The following COX16 variants were observed in gnomAD, a reference collection of about 807,000 sequenced individuals.
COX16 encodes cytochrome c oxidase assembly protein COX16 homolog, mitochondrial.
A neutral mutation model predicts 15.4 loss-of-function variants in COX16; 12 were observed. That is an observed-to-expected ratio of 0.78 (90% CI 0.50 to 1.26). COX16 has a LOEUF of 1.26. Among genes scored for constraint, COX16 ranks in the 50% most tolerant of loss-of-function variants. The probability of loss-of-function intolerance (pLI) is 0.00; values close to 1 mark genes in which losing one functional copy is unlikely to be tolerated. For synonymous variants in COX16, 46 were observed against 41.1 expected (o/e 1.12, Z -0.46); for missense variants, 124 against 127.6 (o/e 0.97, Z 0.14).
At chr14:70,354,841 C>CGTGTGTGTGCGTGTGT (rs1555345909) in intron 1 of COX16, among the ~76,000 whole-genome samples, 1 of 148,880 alleles carries the variant, frequency 6.7e-6, no homozygotes, top group African/African-American at 2.5e-5. Flanking sequence ...TGTGTGTGTG[C>CGTGTGTGTGCGTGTGT]GTGTGTGTGT....
At chr14:70,332,804 T>G (rs1886331487) in intron 2 of COX16, among the ~76,000 whole-genome samples, 1 of 152,156 alleles carries the variant, frequency 6.6e-6, no homozygotes, top group Admixed American at 6.5e-5. Flanking sequence ...TTTGCTACAG[T>G]CAAGAACCCA....
Position 70,328,506 on chromosome 14 carries a change from G to A in COX16, c.204+668C>T, listed in dbSNP as rs141303919. ...TCCTCACCACATCCCATAATATAGCGTGCTGTTAAACTCCTTGATTTTTGC... is the reference window on the plus strand; with the variant it reads ...TCCTCACCACATCCCATAATATAGCATGCTGTTAAACTCCTTGATTTTTGC... On this transcript the variant is annotated intron_variant, in intron 3 of 3. Coordinates refer to ENST00000389912, the MANE Select transcript of COX16 (RefSeq NM_016468.7). Among the ~76,000 whole-genome samples, 559 of 152,130 alleles carry A rather than the reference G, an allele frequency of 3.7e-3. 3 individuals are homozygous for A. Among genetic ancestry groups the A allele is most frequent in the African/African-American group, 0.013 (519 of 41,502 alleles).
intron 2 of COX16, among the ~76,000 whole-genome samples, chr14:70,330,322 C>T (rs183889395): frequency 1.3e-5 from 2 of 152,012 alleles, no homozygotes; most frequent in Non-Finnish European, 2.9e-5. Context: ...CCAAAACTGA[C>T]AAAGGCACAA....
At chr14:70,330,807 AC>A (rs1424747887) in intron 2 of COX16, among the ~76,000 whole-genome samples, 13 of 152,340 alleles carry the variant, frequency 8.5e-5, no homozygotes, top group Admixed American at 6.5e-5. Flanking sequence ...TGATGATTGC[AC>A]AATTTCTTAT....
intron 1 of COX16, among the ~76,000 whole-genome samples, chr14:70,355,802 G>C (rs1318116808): frequency 4.6e-5 from 7 of 152,198 alleles, no homozygotes. Flanking sequence ...ATGTTGGAGG[G>C]AAGGCCTAGT....
intron 1 of COX16, among the ~76,000 whole-genome samples, chr14:70,354,641 CAT>C (rs1887067884): frequency 6.6e-6 from 1 of 152,154 alleles, no homozygotes; most frequent in Non-Finnish European, 1.5e-5. Flanking sequence ...TGGACCTCGA[CAT>C]ATGAGTCTCT....
At chr14:70,345,182 T>A (rs1387016555) in intron 1 of COX16, among the ~76,000 whole-genome samples, 1 of 152,188 alleles carries the variant, frequency 6.6e-6, no homozygotes. Context: ...TGGTCACTGA[T>A]CTTGCTTACT....
rs556882935 is a variant in COX16, at chr14:70,330,851, CA to C, written c.142-1616del. Reference sequence around the variant, plus strand: ...GAGAATATATTCCTCACATCACATACAAAAAAAGAAAAAAATCAATTCCACA... The same window carrying C: ...GAGAATATATTCCTCACATCACATACAAAAAAGAAAAAAATCAATTCCACA... On this transcript the variant is annotated intron_variant, in intron 2 of 3. Coordinates refer to ENST00000389912, the MANE Select transcript of COX16 (RefSeq NM_016468.7). 3.4e-3 allele frequency among the ~76,000 whole-genome samples: 520 copies of C among 151,630 alleles called. 3 individuals are homozygous for C. Among genetic ancestry groups the C allele is most frequent in the African/African-American group, 0.012 (492 of 41,322 alleles).
At chr14:70,343,424 G>A (rs184600349) in intron 1 of COX16, among the ~76,000 whole-genome samples, 21 of 151,952 alleles carry the variant, frequency 1.4e-4, no homozygotes, top group Non-Finnish European at 2.6e-4. Flanking sequence ...CCTTCTTTTC[G>A]TACTATGATT....
chr14:70,358,496 T>C (rs1355283938), intron 1 of COX16, among the ~76,000 whole-genome samples: 1 of 151,474 alleles, frequency 6.6e-6, no homozygotes. Flanking sequence ...CCATCGTGCT[T>C]GGCCCAGATA....
rs754426839 is a variant in COX16, at chr14:70,342,638, A to ACTC, written c.141+17_141+19dup. 6.2e-7 allele frequency: 1 copy of ACTC among 1,607,154 alleles called. No individual in the cohort carries two copies. ...ATACATATAGACAGACACATGTCAA[A>ACTC]CTCTAATTATATTTCTTACTTTACT... On this transcript the variant is annotated intron_variant, in intron 2 of 3. Transcript: ENST00000389912.
chr14:70,333,581 A>T (rs1886357314), intron 2 of COX16, among the ~76,000 whole-genome samples: 1 of 152,212 alleles, frequency 6.6e-6, no homozygotes, highest in African/African-American at 2.4e-5. Flanking sequence ...AGCTCACAGG[A>T]TCTATGGAAC....
At chr14:70,330,664 A>G (rs981518226) in intron 2 of COX16, among the ~76,000 whole-genome samples, 1 of 152,238 alleles carries the variant, frequency 6.6e-6, no homozygotes, top group Non-Finnish European at 1.5e-5. Flanking sequence ...TGGAAATCAC[A>G]ATGTAATTTG....
chr14:70,330,757 C>T (rs1393948817), intron 2 of COX16, among the ~76,000 whole-genome samples: 1 of 152,072 alleles, frequency 6.6e-6, no homozygotes, highest in African/African-American at 2.4e-5. Flanking sequence ...ACAAATTAGG[C>T]ACAGAAGAGC....
intron 3 of COX16, among the ~76,000 whole-genome samples, chr14:70,326,857 TTCTACAAAAAAGAAAA>T (rs1223442856): frequency 6.6e-6 from 1 of 152,062 alleles, no homozygotes; most frequent in African/African-American, 2.4e-5. Context: ...CCCTAAAGTC[TTCTACAAAAAAGAAAA>T]GAGACCAAGA....
intron 1 of COX16, among the ~76,000 whole-genome samples, chr14:70,353,421 TAC>T (rs1405879676): frequency 2.0e-5 from 3 of 148,370 alleles, no homozygotes; most frequent in African/African-American, 7.5e-5. Flanking sequence ...CACATATATA[TAC>T]ACACACATAT....
chr14:70,326,820 T>A (rs1052888833), intron 3 of COX16, among the ~76,000 whole-genome samples: 1 of 151,724 alleles, frequency 6.6e-6, no homozygotes, highest in Non-Finnish European at 1.5e-5. Flanking sequence ...TGGTAGAAAA[T>A]AAGAAGAAAA....
intron 1 of COX16, among the ~76,000 whole-genome samples, chr14:70,349,769 G>C (rs1471416242): frequency 6.6e-6 from 1 of 152,142 alleles, no homozygotes; most frequent in Non-Finnish European, 1.5e-5. Context: ...ACCCTTACCA[G>C]ACTCTGAGCC....
At chr14:70,356,550 T>C (rs1887131480) in intron 1 of COX16, among the ~76,000 whole-genome samples, 1 of 152,102 alleles carries the variant, frequency 6.6e-6, no homozygotes, top group African/African-American at 2.4e-5. Context: ...GGAGAGATGC[T>C]AACACAGAGA....
Sources: gnomAD v4.1 joint callset for allele counts (sites outside exome capture counted in the v4.1 genomes callset) on GRCh38, gnomAD v4.1.1 for gene constraint, MANE v1.5 for transcripts, NCBI Gene and HGNC (gene_info 2026-07-23, HGNC 2026-07-21) for gene names.